The following ERG variants were observed in gnomAD, a reference collection of about 807,000 sequenced individuals.
ERG encodes the protein transcriptional regulator ERG.
ERG carries 9 observed loss-of-function variants against 55.3 expected under a neutral mutation model. The ratio of observed to expected loss-of-function variants is 0.16; its 90% CI spans 0.10 to 0.28. ERG has a LOEUF of 0.28. Ranked by LOEUF, ERG falls within the 10% of genes least tolerant of loss-of-function variation. ERG has a pLI of 1.00. For missense variants in ERG, 434 were observed against 631.6 expected (o/e 0.69, Z 3.35); for synonymous variants, 223 against 237.3 (o/e 0.94, Z 0.55).
intron 2 of ERG, among the ~76,000 whole-genome samples, chr21:38,507,655 C>T (rs2059473891): frequency 6.6e-6 from 1 of 152,192 alleles, no homozygotes; most frequent in East Asian, 1.9e-4. Flanking sequence ...CAGAGTTCGA[C>T]TTGAACTTGG....
chr21:38,538,897 A>G (rs1376559758), intron 2 of ERG, among the ~76,000 whole-genome samples: 9 of 152,016 alleles, frequency 5.9e-5, no homozygotes, highest in Non-Finnish European at 1.5e-5. Flanking sequence ...TTCACAGTGC[A>G]TAAATCTTTT....
At chr21:38,479,969 G>A (rs1275543180) in intron 1 of ERG, among the ~76,000 whole-genome samples, 3 of 152,006 alleles carry the variant, frequency 2.0e-5, no homozygotes, top group African/African-American at 4.8e-5. Flanking sequence ...TAACATACCC[G>A]GAATTGCCAG....
chr21:38,369,407 G>A, the ERG span, among the ~76,000 whole-genome samples: 2 of 152,154 alleles, frequency 1.3e-5, no homozygotes, highest in South Asian at 2.1e-4. Flanking sequence ...TTGGCCACAT[G>A]TATGTTTTCT....
rs1404745416 is a variant in ERG, at chr21:38,620,227, A to T, written c.-149-35282T>A. Among the ~76,000 whole-genome samples, 58 of 152,210 alleles carry T rather than the reference A, an allele frequency of 3.8e-4. 1 individual carries two copies. Among genetic ancestry groups the T allele is most frequent in the Admixed American group, 3.8e-3 (58 of 15,286 alleles). On this transcript the variant is annotated intron_variant, in intron 1 of 10. Transcript: ENST00000398910. ...GCTCTTTGTTCTGATCTGGTTTGAT[A>T]TGGCTGGTGTGGGTTTGGTTTGGTT...
rs1987386058 is a variant in ERG at position 38,380,675 on chromosome 21, G to A, written c.*2728C>T. ...CATTTTGAAACAATTTAAGAATTAT[G>A]TATTTGAAGGAACTCAGTATTATCA... On this transcript the variant is annotated 3_prime_UTR_variant, in exon 10 of 10. Coordinates refer to ENST00000288319, the MANE Select transcript of ERG (RefSeq NM_182918.4). 9.4e-7 allele frequency: 1 copy of A among 1,064,666 alleles called. No homozygotes were observed. The highest frequency in any genetic ancestry group is 4.6e-5 in the South Asian group (1 of 21,974). 66.0% of individuals were successfully genotyped at this position (1,064,666 alleles called of 1,614,324 possible).
At chr21:38,475,746 T>C (rs893445388) in intron 1 of ERG, among the ~76,000 whole-genome samples, 2 of 152,168 alleles carry the variant, frequency 1.3e-5, no homozygotes, top group African/African-American at 4.8e-5. Context: ...TCTGTCTTCG[T>C]TGAGCTGTGA....
chr21:38,372,758 T>C, the ERG span, among the ~76,000 whole-genome samples: 1 of 152,144 alleles, frequency 6.6e-6, no homozygotes, highest in East Asian at 1.9e-4. Flanking sequence ...TAAGAATTTG[T>C]ATTTTTTAGT....
upstream of ERG, among the ~76,000 whole-genome samples, chr21:38,501,383 C>T (rs541391115): frequency 3.3e-5 from 5 of 152,126 alleles, no homozygotes; most frequent in Admixed American, 1.3e-4. Flanking sequence ...CATCTATTAA[C>T]TAGAATATAG....
chr21:38,442,232 A>C (rs1403644623), intron 2 of ERG, among the ~76,000 whole-genome samples: 1 of 152,126 alleles, frequency 6.6e-6, no homozygotes, highest in Non-Finnish European at 1.5e-5. Context: ...CATCTCTACT[A>C]AAAATACAAA....
At chr21:38,488,180 A>C (rs2059304128) in intron 1 of ERG, among the ~76,000 whole-genome samples, 1 of 152,202 alleles carries the variant, frequency 6.6e-6, no homozygotes, top group African/African-American at 2.4e-5. Flanking sequence ...GAGTGAATGA[A>C]AACAGCATTT....
rs752572132 is a variant in ERG at position 38,445,390 on chromosome 21, G to A, written c.236+14C>T. The stretch of plus-strand genomic sequence containing the variant: ...TGGGAGGTCAGGGAGAGAAAGGGGC[G>A]GAAGTCTCCTTACCTTGAGCCATTC... On this transcript the variant is annotated intron_variant, in intron 2 of 9. Coordinates refer to ENST00000288319, the MANE Select transcript of ERG (RefSeq NM_182918.4). 2.4e-5 allele frequency: 38 copies of A among 1,601,094 alleles called. No homozygotes were observed. Among genetic ancestry groups the A allele is most frequent in the East Asian group, 2.0e-4 (9 of 44,780 alleles).
At chr21:38,558,466 C>G (rs890661519) in intron 2 of ERG, among the ~76,000 whole-genome samples, 2 of 152,200 alleles carry the variant, frequency 1.3e-5, no homozygotes, top group Non-Finnish European at 2.9e-5. Flanking sequence ...CAGCATTCTA[C>G]TTTTCCAAGG....
At chr21:38,591,004 G>C (rs2060097424) in intron 1 of ERG, among the ~76,000 whole-genome samples, 1 of 152,194 alleles carries the variant, frequency 6.6e-6, no homozygotes, top group South Asian at 2.1e-4. Context: ...AGTCTAAGTG[G>C]GAGTTAGGGA....
chr21:38,483,694 A>T (rs1410837854), intron 1 of ERG, among the ~76,000 whole-genome samples: 2 of 151,708 alleles, frequency 1.3e-5, no homozygotes, highest in Non-Finnish European at 2.9e-5. Context: ...TAAAAATACA[A>T]ACAAACAAAC....
rs961977500 is a variant in ERG, at chr21:38,632,612, G to GCT, written c.-150+29044_-150+29045dup. On this transcript the variant is annotated intron_variant, in intron 1 of 10. Transcript: ENST00000398910. ...TATAAAGGGGAGTTCCCCTGCACAT[G>GCT]CTCTCTCTCTCTCGCCTGCTGCCAT... 9.0e-4 allele frequency among the ~76,000 whole-genome samples: 136 copies of GCT among 151,814 alleles called. 3 individuals carry two copies. The highest frequency in any genetic ancestry group is 7.7e-3 in the Admixed American group (118 of 15,250).
intron 1 of ERG, among the ~76,000 whole-genome samples, chr21:38,493,681 C>G (rs1948061056): frequency 6.6e-6 from 1 of 152,210 alleles, no homozygotes; most frequent in Admixed American, 6.5e-5. Flanking sequence ...CGGCTCAGAA[C>G]AGGACGAAGC....
chr21:38,511,375 A>G (rs1021236206), intron 2 of ERG, among the ~76,000 whole-genome samples: 1 of 152,226 alleles, frequency 6.6e-6, no homozygotes, highest in Non-Finnish European at 1.5e-5. Flanking sequence ...ATGGGTACAA[A>G]GCTAGGCATT....
chr21:38,531,518 A>G (rs184681374), intron 2 of ERG, among the ~76,000 whole-genome samples: 1 of 152,236 alleles, frequency 6.6e-6, no homozygotes, highest in African/African-American at 2.4e-5. Context: ...CTTTGGTAGT[A>G]CACGCTCTTC....
At chr21:38,655,929 G>A (rs903995159) in intron 1 of ERG, among the ~76,000 whole-genome samples, 1 of 152,170 alleles carries the variant, frequency 6.6e-6, no homozygotes. Context: ...TAGTACTGCA[G>A]AATCTGCCTG....
Sources: gnomAD v4.1 joint callset for allele counts (sites outside exome capture counted in the v4.1 genomes callset) on GRCh38, gnomAD v4.1.1 for gene constraint, MANE v1.5 for transcripts, NCBI Gene and HGNC (gene_info 2026-07-23, HGNC 2026-07-21) for gene names.